Variants in RAB1A observed in about 807,000 individuals in gnomAD.
RAB1A encodes ras-related protein Rab-1A.
Under a neutral mutation model 26.0 loss-of-function variants are expected in RAB1A, and 2 were observed. The ratio of observed to expected loss-of-function variants is 0.08; its 90% CI spans 0.03 to 0.24. The LOEUF (loss-of-function observed/expected upper bound fraction) is 0.24. Among genes scored for constraint, RAB1A ranks in the 10% least tolerant of loss-of-function variants. RAB1A has a pLI of 1.00. For synonymous variants in RAB1A, 84 were observed against 84.9 expected (o/e 0.99, Z 0.06); for missense variants, 100 against 247.0 (o/e 0.40, Z 3.99).
intron 2 of RAB1A, among the ~76,000 whole-genome samples, chr2:65,100,980 T>C (rs976744676): frequency 3.3e-5 from 5 of 151,918 alleles, no homozygotes; most frequent in Admixed American, 3.3e-4. Context: ...ACCCCATCTC[T>C]ACTAAAAATA....
At chr2:65,092,890 A>C (rs1669204461) in intron 3 of RAB1A, among the ~76,000 whole-genome samples, 1 of 152,126 alleles carries the variant, frequency 6.6e-6, no homozygotes, top group Non-Finnish European at 1.5e-5. Context: ...TAGTGAATGA[A>C]TTCTCACAAG....
chr2:65,096,812 C>T (rs1669297027), intron 3 of RAB1A, among the ~76,000 whole-genome samples: 1 of 152,182 alleles, frequency 6.6e-6, no homozygotes, highest in Non-Finnish European at 1.5e-5. Context: ...GCAACTTAAC[C>T]TATCAAACAC....
chr2:65,096,258 T>C, intron 3 of RAB1A, among the ~76,000 whole-genome samples: 1 of 151,506 alleles, frequency 6.6e-6, no homozygotes, highest in East Asian at 1.9e-4. Flanking sequence ...GAGGTTGCAG[T>C]GAGCTCAAAT....
At chr2:65,116,139 AGAGT>A (rs1669820046) in intron 1 of RAB1A, among the ~76,000 whole-genome samples, 3 of 152,336 alleles carry the variant, frequency 2.0e-5, no homozygotes, top group South Asian at 4.1e-4. Flanking sequence ...CCTGGACAAC[AGAGT>A]GAGACTCCAT....
intron 1 of RAB1A, chr2:65,106,256 A>G (rs1354391533): frequency 4.8e-6 from 1 of 209,304 alleles, no homozygotes; most frequent in Non-Finnish European, 1.0e-5. Flanking sequence ...CAAAAACCTT[A>G]GAATTTATAT....
intron 3 of RAB1A, among the ~76,000 whole-genome samples, chr2:65,097,441 GT>G (rs1173655726): frequency 6.6e-6 from 1 of 152,028 alleles, no homozygotes; most frequent in African/African-American, 2.4e-5. Context: ...TTCAGCATTC[GT>G]TTTTTTGAGC....
chr2:65,108,948 GT>G, intron 1 of RAB1A, among the ~76,000 whole-genome samples: 1 of 152,272 alleles, frequency 6.6e-6, no homozygotes. Flanking sequence ...CAAACCATTT[GT>G]TTACTAACAT....
In RAB1A at chr2:65,097,902, T is replaced by C. The variant is rs963261944; in HGVS notation, c.192+69A>G. On this transcript the variant is annotated intron_variant, in intron 3 of 5. Coordinates refer to ENST00000409784, the MANE Select transcript of RAB1A (RefSeq NM_004161.5). ...CAATTTTGTTAGCATAGTAAATATA[T>C]ACAAAATAACAATACATTACAAATT... The C allele has an allele frequency of 4.0e-5, 35 of 868,990 alleles. No individual in the cohort carries two copies. The South Asian group carries it at 5.4e-4, about 13-fold the overall frequency. The allele number at this position is 868,990 out of a possible 1,614,324, so 53.8% of individuals were successfully genotyped here.
chr2:65,113,576 T>G (rs1220365273), intron 1 of RAB1A, among the ~76,000 whole-genome samples: 1 of 152,208 alleles, frequency 6.6e-6, no homozygotes, highest in Non-Finnish European at 1.5e-5. Context: ...GGAACAATAT[T>G]CTTTAAATAA....
chr2:65,108,056 C>CAAAAAAAA (rs59507384), intron 1 of RAB1A, among the ~76,000 whole-genome samples: 2 of 127,186 alleles, frequency 1.6e-5, no homozygotes. Context: ...AGAGGAGTCT[C>CAAAAAAAA]AAAAAAAAAA....
At chr2:65,122,237 T>C (rs1471147416) in intron 1 of RAB1A, among the ~76,000 whole-genome samples, 1 of 150,784 alleles carries the variant, frequency 6.6e-6, no homozygotes, top group African/African-American at 2.4e-5. Context: ...ACTACACCCA[T>C]TTTCAGTTTT....
At chr2:65,104,656 T>C (rs1669511095) in intron 2 of RAB1A, 78 bp downstream of exon 2, 3 of 1,099,274 alleles carry the variant, frequency 2.7e-6, no homozygotes, top group Non-Finnish European at 4.0e-6. Context: ...AATAAAACTG[T>C]TTAATTTTAT....
Position 65,087,507 on chromosome 2 carries a change from A to C in RAB1A, c.*986T>G, listed in dbSNP as rs1350162158. On this transcript the variant is annotated 3_prime_UTR_variant, in exon 6 of 6. Coordinates refer to ENST00000409784, the MANE Select transcript of RAB1A (RefSeq NM_004161.5). ...AGTCTGATCATTTGCCAATTAGGAA[A>C]GGTGCTGCTTTCTACCTCTACCACA... 6.6e-6 allele frequency: 1 copy of C among 152,646 alleles called. No homozygotes were observed. Among genetic ancestry groups the C allele is most frequent in the Non-Finnish European group, 1.5e-5 (1 of 68,036 alleles). The allele number at this position is 152,646 out of a possible 1,614,324, so 9.5% of individuals were successfully genotyped here. A position where few individuals can be genotyped will look rare whatever the true frequency, so the allele number is the denominator to read the frequency against.
At position 65,104,827 on chromosome 2, in the gene RAB1A, T is replaced by G. The variant is rs911688561; in HGVS notation, c.24-21A>C. 1.9e-6 allele frequency: 3 copies of G among 1,580,436 alleles called. No individual in the cohort carries two copies. In the East Asian group the frequency reaches 6.7e-5, roughly 35 times the overall value. On this transcript the variant is annotated intron_variant, in intron 1 of 5. Coordinates refer to ENST00000409784, the MANE Select transcript of RAB1A (RefSeq NM_004161.5). ...AATCACTGCAAAAAGAAAAAGAAAA[T>G]GATGTTAATAAAAAGCACACTGCAT...
At position 65,090,968 on chromosome 2, in the gene RAB1A, C is replaced by G. The variant is rs1573062651; in HGVS notation, c.288+15G>C. On this transcript the variant is annotated intron_variant, in intron 4 of 5. Transcript: ENST00000409784. The stretch of plus-strand genomic sequence containing the variant: ...CTACTTGGTCACTGTAACACAATCT[C>G]CTCTTGGAACTTACCTGATCTGTCA... 3.2e-6 allele frequency: 5 copies of G among 1,570,854 alleles called. No homozygotes were observed. The highest frequency in any genetic ancestry group is 4.4e-6 in the Non-Finnish European group (5 of 1,144,938).
chr2:65,093,388 CT>C (rs1433155856), intron 3 of RAB1A, among the ~76,000 whole-genome samples: 1 of 152,114 alleles, frequency 6.6e-6, no homozygotes, highest in Admixed American at 6.6e-5. Flanking sequence ...AGAAAGAGGC[CT>C]TCCATGGTGT....
intron 3 of RAB1A, among the ~76,000 whole-genome samples, chr2:65,092,068 T>C (rs1573063432): frequency 6.6e-6 from 1 of 152,008 alleles, no homozygotes; most frequent in East Asian, 1.9e-4. Flanking sequence ...AGCTCAGGAG[T>C]TCGAGACCAG....
Position 65,121,544 on chromosome 2 carries a change from T to C in RAB1A, c.23+8349A>G, listed in dbSNP as rs145141520. Reference sequence around the variant, plus strand: ...TCTTCTGTACCCTATCTCTCACATGTTTCAGTCAGCCAACAAACTAACACT... The same window carrying C: ...TCTTCTGTACCCTATCTCTCACATGCTTCAGTCAGCCAACAAACTAACACT... On this transcript the variant is annotated intron_variant, in intron 1 of 5. Coordinates refer to ENST00000409784, the MANE Select transcript of RAB1A (RefSeq NM_004161.5). Among the ~76,000 whole-genome samples, 266 of 152,280 alleles carry C rather than the reference T, an allele frequency of 1.7e-3. 2 individuals are homozygous for C. Among genetic ancestry groups the C allele is most frequent in the Admixed American group, 5.8e-3 (89 of 15,284 alleles).
At chr2:65,128,884 C>A (rs1044522572) in intron 1 of RAB1A, among the ~76,000 whole-genome samples, 1 of 152,090 alleles carries the variant, frequency 6.6e-6, no homozygotes, top group African/African-American at 2.4e-5. Context: ...CAAACTCTAC[C>A]CAAGGGAAGT....
Sources: gnomAD v4.1 joint callset for allele counts (sites outside exome capture counted in the v4.1 genomes callset) on GRCh38, gnomAD v4.1.1 for gene constraint, MANE v1.5 for transcripts, NCBI Gene and HGNC (gene_info 2026-07-23, HGNC 2026-07-21) for gene names.